Variants in PTPRT observed in about 807,000 individuals in gnomAD.
PTPRT encodes receptor-type tyrosine-protein phosphatase T.
Under a neutral mutation model 176.8 loss-of-function variants are expected in PTPRT, and 56 were observed. The observed-to-expected ratio is 0.32, with a 90% CI of 0.26 to 0.40. PTPRT has a LOEUF of 0.40. Ranked by LOEUF, PTPRT falls within the 10% of genes least tolerant of loss-of-function variation. The pLI, the probability that PTPRT is intolerant of heterozygous loss-of-function variation, is 1.00. For synonymous variants in PTPRT, 783 were observed against 739.0 expected (o/e 1.06, Z -0.96); for missense variants, 1,540 against 1,908.2 (o/e 0.81, Z 3.60).
chr20:43,025,661 G>A (rs1416972863), intron 1 of PTPRT, among the ~76,000 whole-genome samples: 1 of 152,106 alleles, frequency 6.6e-6, no homozygotes, highest in Non-Finnish European at 1.5e-5. Flanking sequence ...AAAGGTTCCT[G>A]TCTTAGGTTG....
chr20:43,012,954 T>A (rs2146156234), intron 1 of PTPRT, among the ~76,000 whole-genome samples: 1 of 152,110 alleles, frequency 6.6e-6, no homozygotes, highest in Non-Finnish European at 1.5e-5. Context: ...CTTGCTCTTC[T>A]GAGAGCAAGC....
intron 1 of PTPRT, among the ~76,000 whole-genome samples, chr20:43,050,957 T>A (rs1329260707): frequency 6.6e-6 from 1 of 152,296 alleles, no homozygotes; most frequent in East Asian, 1.9e-4. Flanking sequence ...CCAAGGCAGT[T>A]TTTTGAAGCT....
At chr20:42,217,738 C>T (rs888220908) in intron 15 of PTPRT, among the ~76,000 whole-genome samples, 2 of 152,134 alleles carry the variant, frequency 1.3e-5, no homozygotes, top group African/African-American at 4.8e-5. Context: ...AGTAGTTCCC[C>T]CTACTCCCAG....
chr20:42,147,261 G>A (rs191869564), intron 17 of PTPRT, among the ~76,000 whole-genome samples: 7 of 152,142 alleles, frequency 4.6e-5, no homozygotes, highest in South Asian at 2.1e-4. Context: ...TGCTTTCAGA[G>A]GGCAAATATC....
At chr20:42,511,478 T>G (rs895754285) in intron 7 of PTPRT, among the ~76,000 whole-genome samples, 2 of 151,482 alleles carry the variant, frequency 1.3e-5, no homozygotes, top group African/African-American at 2.4e-5. Flanking sequence ...TTTCACCAAA[T>G]GCACTGAATA....
Position 42,787,713 on chromosome 20 carries a change from A to T in PTPRT, c.486+3482T>A, listed in dbSNP as rs2077311877. On this transcript the variant is annotated intron_variant, in intron 3 of 30. Transcript: ENST00000373187. ...ATGCTTAATGCAATTCTGAAACCCCAAAAGCTCTGAAAACAACGTTCTTCA... is the reference window on the plus strand; with the variant it reads ...ATGCTTAATGCAATTCTGAAACCCCTAAAGCTCTGAAAACAACGTTCTTCA... Among the ~76,000 whole-genome samples the T allele has an allele frequency of 4.6e-5, 7 of 152,216 alleles. No homozygotes were observed. In the South Asian group the frequency reaches 1.4e-3, roughly 32 times the overall value.
intron 2 of PTPRT, among the ~76,000 whole-genome samples, chr20:42,824,129 T>C (rs1480153881): frequency 6.6e-6 from 1 of 151,960 alleles, no homozygotes. Flanking sequence ...TCCTTGAAAA[T>C]GTGAAGATAC....
At chr20:42,661,815 T>C (rs1160330993) in intron 7 of PTPRT, among the ~76,000 whole-genome samples, 3 of 152,224 alleles carry the variant, frequency 2.0e-5, no homozygotes, top group Non-Finnish European at 4.4e-5. Context: ...GTTTTCCTCT[T>C]TTCTGTCAGG....
At chr20:43,091,246 T>G (rs2146306615) in intron 1 of PTPRT, among the ~76,000 whole-genome samples, 1 of 151,804 alleles carries the variant, frequency 6.6e-6, no homozygotes, top group Middle Eastern at 3.4e-3. Flanking sequence ...AAACAAACCC[T>G]GAAATCTTCC....
rs549672219 is a variant in PTPRT, at chr20:42,398,740, A to C, written c.1561-46455T>G. ...TTTATGTATTTTTTAATTTAAAAAA[A>C]CATAGGGCTGAATCAGGTATCTATT... On this transcript the variant is annotated intron_variant, in intron 9 of 30. Transcript: ENST00000373187. 6.6e-5 allele frequency among the ~76,000 whole-genome samples: 10 copies of C among 152,296 alleles called. No homozygotes were observed. The Middle Eastern group carries it at 0.017, about 259-fold the overall frequency.
chr20:43,115,553 T>G (rs896790155), intron 1 of PTPRT, among the ~76,000 whole-genome samples: 1 of 152,136 alleles, frequency 6.6e-6, no homozygotes, highest in South Asian at 2.1e-4. Flanking sequence ...TGGAGACATT[T>G]TGGGTTGTCA....
intron 7 of PTPRT, among the ~76,000 whole-genome samples, chr20:42,522,579 G>C (rs2072195422): frequency 6.6e-6 from 1 of 151,990 alleles, no homozygotes. Flanking sequence ...TCCTGCCTCA[G>C]CCTCCTGAGT....
intron 1 of PTPRT, among the ~76,000 whole-genome samples, chr20:43,177,871 T>C (rs1196312993): frequency 1.3e-5 from 2 of 152,208 alleles, no homozygotes; most frequent in African/African-American, 4.8e-5. Flanking sequence ...AACTTTGAAA[T>C]TTGTTCAAAT....
At chr20:42,340,564 TCAA>T (rs952442975) in intron 11 of PTPRT, among the ~76,000 whole-genome samples, 1 of 152,200 alleles carries the variant, frequency 6.6e-6, no homozygotes, top group African/African-American at 2.4e-5. Flanking sequence ...TGAGCAGCCC[TCAA>T]CAGCTGGAGC....
At chr20:42,395,691 G>A (rs2058842086) in intron 9 of PTPRT, among the ~76,000 whole-genome samples, 1 of 152,086 alleles carries the variant, frequency 6.6e-6, no homozygotes, top group Non-Finnish European at 1.5e-5. Flanking sequence ...TGACCTCTCT[G>A]TTGCTGCATC....
chr20:42,273,521 G>T (rs1034022148), intron 13 of PTPRT, among the ~76,000 whole-genome samples: 7 of 152,168 alleles, frequency 4.6e-5, no homozygotes, highest in African/African-American at 1.7e-4. Context: ...AGCCATAAGT[G>T]GTGTTATTGT....
chr20:42,032,498 G>A, the PTPRT span, among the ~76,000 whole-genome samples: 3 of 152,140 alleles, frequency 2.0e-5, no homozygotes, highest in African/African-American at 4.8e-5. Context: ...CAGAAAAGGG[G>A]AAAGGCCACT....
chr20:42,676,238 T>C (rs73907226), intron 7 of PTPRT, among the ~76,000 whole-genome samples: 4,894 of 152,262 alleles, frequency 0.032, 232 homozygotes, highest in African/African-American at 0.1. Flanking sequence ...ATTCCCCTCT[T>C]TTTTGATGTG....
chr20:42,236,149 C>A (rs2146857529), intron 15 of PTPRT, 80 bp downstream of exon 15: 1 of 1,233,756 alleles, frequency 8.1e-7, no homozygotes, highest in South Asian at 1.4e-5. Flanking sequence ...AACTAACAGA[C>A]ACTTGGTTGG....
Sources: gnomAD v4.1 joint callset for allele counts (sites outside exome capture counted in the v4.1 genomes callset) on GRCh38, gnomAD v4.1.1 for gene constraint, MANE v1.5 for transcripts, NCBI Gene and HGNC (gene_info 2026-07-23, HGNC 2026-07-21) for gene names.